LRRC4C: variants seen among roughly 807,000 people sequenced by gnomAD.
LRRC4C encodes the protein leucine rich repeat containing 4C.
A neutral mutation model predicts 33.6 loss-of-function variants in LRRC4C; 5 were observed. The ratio of observed to expected loss-of-function variants is 0.15; its 90% CI spans 0.08 to 0.31. The LOEUF (loss-of-function observed/expected upper bound fraction) is 0.31, where lower values mean the gene tolerates loss of function less well. LRRC4C is among the 10% of genes least tolerant of loss of function. The pLI, the probability that LRRC4C is intolerant of heterozygous loss-of-function variation, is 1.00. For missense variants in LRRC4C, 560 were observed against 796.7 expected (o/e 0.70, Z 3.58); for synonymous variants, 329 against 302.0 (o/e 1.09, Z -0.93).
chr11:40,787,308 A>G (rs971983369), intron 2 of LRRC4C, among the ~76,000 whole-genome samples: 1 of 152,144 alleles, frequency 6.6e-6, no homozygotes, highest in Non-Finnish European at 1.5e-5. Flanking sequence ...GGAGAAAGGG[A>G]TCTGACTAGT....
chr11:40,836,688 C>G (rs1007105823), intron 2 of LRRC4C, among the ~76,000 whole-genome samples: 3 of 152,058 alleles, frequency 2.0e-5, no homozygotes, highest in African/African-American at 7.2e-5. Context: ...GACTCAACGT[C>G]GATGTTTACT....
At chr11:40,262,723 A>G (rs967738564) in intron 4 of LRRC4C, among the ~76,000 whole-genome samples, 4 of 152,146 alleles carry the variant, frequency 2.6e-5, no homozygotes. Context: ...CAGGAAACTA[A>G]CACAGGAACA....
At chr11:40,150,272 G>GT (rs1381820955) in intron 5 of LRRC4C, among the ~76,000 whole-genome samples, 1 of 152,166 alleles carries the variant, frequency 6.6e-6, no homozygotes, top group Non-Finnish European at 1.5e-5. Context: ...CACAAAGACT[G>GT]TTTTTTCCAA....
At chr11:40,748,110 C>G (rs189818538) in intron 2 of LRRC4C, among the ~76,000 whole-genome samples, 2 of 152,084 alleles carry the variant, frequency 1.3e-5, no homozygotes, top group Non-Finnish European at 2.9e-5. Flanking sequence ...ATAATATAGT[C>G]AAACTGTTTA....
At chr11:41,389,019 G>T (rs745681776) in intron 1 of LRRC4C, among the ~76,000 whole-genome samples, 17 of 151,730 alleles carry the variant, frequency 1.1e-4, no homozygotes, top group Non-Finnish European at 1.2e-4. Flanking sequence ...CTACAGTCTG[G>T]CTAGGAAGGG....
chr11:41,002,830 A>C (rs914233211), intron 1 of LRRC4C, among the ~76,000 whole-genome samples: 22 of 152,184 alleles, frequency 1.4e-4, no homozygotes, highest in Non-Finnish European at 2.9e-5. Flanking sequence ...GTTAAGTGAA[A>C]AAAGCAGAAG....
At chr11:40,918,575 T>A (rs1957053296) in intron 2 of LRRC4C, among the ~76,000 whole-genome samples, 1 of 152,088 alleles carries the variant, frequency 6.6e-6, no homozygotes, top group Non-Finnish European at 1.5e-5. Context: ...CTTAAAAATC[T>A]ATTTCACATG....
chr11:40,663,271 T>C (rs1225846721), intron 2 of LRRC4C, among the ~76,000 whole-genome samples: 3 of 152,042 alleles, frequency 2.0e-5, no homozygotes, highest in African/African-American at 7.2e-5. Flanking sequence ...TTAGTAGAGA[T>C]GGGGTTTCGC....
intron 4 of LRRC4C, among the ~76,000 whole-genome samples, chr11:40,311,871 G>A (rs1945325758): frequency 6.6e-6 from 1 of 151,234 alleles, no homozygotes; most frequent in Non-Finnish European, 1.5e-5. Context: ...CTTGAACCTG[G>A]GTGGCGGAAG....
At chr11:41,422,835 G>A (rs1255287979) in intron 1 of LRRC4C, among the ~76,000 whole-genome samples, 1 of 151,910 alleles carries the variant, frequency 6.6e-6, no homozygotes, top group East Asian at 1.9e-4. Flanking sequence ...ACAAAAAGCA[G>A]AAACTCAAAT....
intron 1 of LRRC4C, among the ~76,000 whole-genome samples, chr11:41,013,126 T>C (rs559669493): frequency 6.6e-6 from 1 of 152,166 alleles, no homozygotes; most frequent in Admixed American, 6.5e-5. Context: ...CATAGTTCCT[T>C]TGGGGACAGG....
chr11:40,917,823 A>T (rs1957023278), intron 2 of LRRC4C, among the ~76,000 whole-genome samples: 1 of 152,156 alleles, frequency 6.6e-6, no homozygotes. Context: ...ATTGTGAAGC[A>T]CAGTCTGCTT....
intron 3 of LRRC4C, among the ~76,000 whole-genome samples, chr11:40,335,845 A>G (rs556984968): frequency 4.3e-4 from 66 of 152,340 alleles, no homozygotes; most frequent in Non-Finnish European, 8.5e-4. Flanking sequence ...TTCTGGACCC[A>G]GATAAACTGG....
At chr11:40,179,322 C>A (rs759817659) in intron 5 of LRRC4C, among the ~76,000 whole-genome samples, 3 of 152,086 alleles carry the variant, frequency 2.0e-5, no homozygotes, top group Non-Finnish European at 4.4e-5. Flanking sequence ...CTTTCTTAAA[C>A]CTTATTTAAA....
intron 2 of LRRC4C, among the ~76,000 whole-genome samples, chr11:40,923,798 A>C (rs912261305): frequency 2.0e-4 from 31 of 152,196 alleles, no homozygotes; most frequent in African/African-American, 7.5e-4. Flanking sequence ...TATAGGAGAC[A>C]AGATGCATTA....
At chr11:40,401,596 C>T (rs910466563) in intron 3 of LRRC4C, among the ~76,000 whole-genome samples, 14 of 152,210 alleles carry the variant, frequency 9.2e-5, no homozygotes, top group African/African-American at 3.1e-4. Context: ...CCAAAGGAAA[C>T]TATCACAAAT....
intron 1 of LRRC4C, among the ~76,000 whole-genome samples, chr11:41,107,792 G>A (rs1224815236): frequency 2.0e-5 from 3 of 152,002 alleles, no homozygotes; most frequent in African/African-American, 2.4e-5. Flanking sequence ...ACAAAAATTA[G>A]CCATGTGTGT....
intron 3 of LRRC4C, among the ~76,000 whole-genome samples, chr11:40,532,854 G>T (rs967066935): frequency 3.3e-5 from 5 of 152,034 alleles, no homozygotes; most frequent in Admixed American, 2.0e-4. Context: ...TCACAGTTTC[G>T]CATGGCTGGA....
intron 1 of LRRC4C, among the ~76,000 whole-genome samples, chr11:41,325,124 C>T (rs985495710): frequency 3.9e-5 from 6 of 152,092 alleles, no homozygotes; most frequent in African/African-American, 1.2e-4. Flanking sequence ...TTAAATTCCT[C>T]AAAAGAAATC....
Sources: gnomAD v4.1 joint callset for allele counts (sites outside exome capture counted in the v4.1 genomes callset) on GRCh38, gnomAD v4.1.1 for gene constraint, MANE v1.5 for transcripts, NCBI Gene and HGNC (gene_info 2026-07-23, HGNC 2026-07-21) for gene names.